Variants in NOL4 observed in about 807,000 individuals in gnomAD.
NOL4 encodes the protein nucleolar protein 4, also known as cancer/testis antigen 125.
Under a neutral mutation model 75.9 loss-of-function variants are expected in NOL4, and 17 were observed. The observed-to-expected ratio is 0.22, with a 90% CI of 0.15 to 0.34. The LOEUF (loss-of-function observed/expected upper bound fraction) is 0.34, where lower values mean the gene tolerates loss of function less well. Among genes scored for constraint, NOL4 ranks in the 10% least tolerant of loss-of-function variants. The pLI, the probability that NOL4 is intolerant of heterozygous loss-of-function variation, is 1.00. For synonymous variants in NOL4, 292 were observed against 289.9 expected, an observed-to-expected ratio of 1.01 and a Z score of -0.07; for missense variants, 614 against 793.5, an observed-to-expected ratio of 0.77 and a Z score of 2.72.
rs932613410 is a variant in NOL4, at chr18:33,966,778, C to A, written c.1057-8360G>T. 9.9e-5 allele frequency among the ~76,000 whole-genome samples: 15 copies of A among 152,080 alleles called. No individual in the cohort carries two copies. In the South Asian group the frequency reaches 1.5e-3, roughly 15 times the overall value. ...TGAAATACTCTAGAATATATACAACCAATGAGGTAAAAGACCTCTACAAAG... is the reference window on the plus strand; with the variant it reads ...TGAAATACTCTAGAATATATACAACAAATGAGGTAAAAGACCTCTACAAAG... On this transcript the variant is annotated intron_variant, in intron 6 of 10. Transcript: ENST00000261592.
chr18:34,217,896 T>C (rs916202810), intron 1 of NOL4, among the ~76,000 whole-genome samples: 3 of 152,088 alleles, frequency 2.0e-5, no homozygotes, highest in African/African-American at 7.2e-5. Context: ...GCATCTTTAG[T>C]TAAACTTTAG....
At chr18:33,970,751 G>A (rs1568147448) in intron 6 of NOL4, among the ~76,000 whole-genome samples, 2 of 151,272 alleles carry the variant, frequency 1.3e-5, no homozygotes, top group African/African-American at 4.9e-5. Flanking sequence ...GTGTGTGTGT[G>A]TATGTGTATG....
intron 1 of NOL4, among the ~76,000 whole-genome samples, chr18:34,211,240 GAACA>G (rs1046039436): frequency 1.1e-4 from 16 of 152,266 alleles, no homozygotes; most frequent in Middle Eastern, 3.4e-3. Flanking sequence ...AAATTAGTAA[GAACA>G]AACAAATAAA....
intron 4 of NOL4, among the ~76,000 whole-genome samples, chr18:34,095,976 G>A (rs1022120781): frequency 6.6e-6 from 1 of 151,762 alleles, no homozygotes; most frequent in African/African-American, 2.4e-5. Flanking sequence ...ATATGTATGT[G>A]TGTGTGTATT....
intron 6 of NOL4, among the ~76,000 whole-genome samples, chr18:33,995,041 G>A (rs2073174840): frequency 6.6e-6 from 1 of 151,562 alleles, no homozygotes; most frequent in Non-Finnish European, 1.5e-5. Context: ...AAAACTCCTA[G>A]AAATACACAA....
chr18:34,011,916 A>G (rs1367267469), intron 6 of NOL4, among the ~76,000 whole-genome samples: 3 of 151,908 alleles, frequency 2.0e-5, no homozygotes, highest in Non-Finnish European at 2.9e-5. Context: ...GGAACTCAAA[A>G]TGCACATTTC....
intron 1 of NOL4, among the ~76,000 whole-genome samples, chr18:34,211,281 C>T (rs1028592636): frequency 6.6e-6 from 1 of 152,110 alleles, no homozygotes; most frequent in African/African-American, 2.4e-5. Flanking sequence ...GTAGCTTTTA[C>T]AGAGGAAAAA....
intron 9 of NOL4, among the ~76,000 whole-genome samples, chr18:33,915,043 G>C (rs913008028): frequency 1.3e-5 from 2 of 152,042 alleles, no homozygotes; most frequent in Non-Finnish European, 2.9e-5. Context: ...ACCAGCATAG[G>C]CAAGTGAGAT....
chr18:33,852,992 T>A lies in NOL4; in HGVS notation c.1767A>T (p.Ser589=), dbSNP rs1283937616. The A allele has an allele frequency of 6.2e-7, 1 of 1,612,926 alleles. No individual in the cohort carries two copies. Among genetic ancestry groups the A allele is most frequent in the Admixed American group, 1.7e-5 (1 of 59,874 alleles). ...TGGAGTTTGAGCTGCTGGAGGATCCTGAGCTAGTCGCCAATTGTCTCTTCA... is the reference window on the plus strand; with the variant it reads ...TGGAGTTTGAGCTGCTGGAGGATCCAGAGCTAGTCGCCAATTGTCTCTTCA... ...LSMKRQLATS[S]GSSSSSNSRP... is the part of the protein sequence containing the mutation. Residue 589 remains serine (S), a synonymous_variant, in exon 11 of 11, where the codon TCA becomes TCT. Transcript: ENST00000261592.
intron 1 of NOL4, among the ~76,000 whole-genome samples, chr18:34,197,128 T>C (rs1394275906): frequency 6.6e-6 from 1 of 152,018 alleles, no homozygotes; most frequent in East Asian, 1.9e-4. Flanking sequence ...GAAATTGCAA[T>C]ATATAACATG....
intron 1 of NOL4, among the ~76,000 whole-genome samples, chr18:34,169,936 T>C (rs1453438848): frequency 6.6e-6 from 1 of 152,164 alleles, no homozygotes; most frequent in Non-Finnish European, 1.5e-5. Context: ...TTTTAATCAA[T>C]TCTCTCTCTT....
intron 5 of NOL4, among the ~76,000 whole-genome samples, chr18:34,026,077 T>C (rs1316148413): frequency 6.6e-6 from 1 of 152,178 alleles, no homozygotes; most frequent in Non-Finnish European, 1.5e-5. Flanking sequence ...ATAATTATTC[T>C]GTAAGGATCC....
chr18:33,947,575 TTCTC>T (rs1363783885), intron 8 of NOL4, among the ~76,000 whole-genome samples: 1 of 151,838 alleles, frequency 6.6e-6, no homozygotes, highest in African/African-American at 2.4e-5. Flanking sequence ...ATCTCTCTCT[TTCTC>T]TATCTATATC....
At chr18:33,976,654 C>T (rs1454027897) in intron 6 of NOL4, among the ~76,000 whole-genome samples, 1 of 152,050 alleles carries the variant, frequency 6.6e-6, no homozygotes, top group Non-Finnish European at 1.5e-5. Context: ...GTTATGCATA[C>T]TGTTAATGAA....
intron 6 of NOL4, among the ~76,000 whole-genome samples, chr18:33,989,878 G>A (rs569811721): frequency 7.6e-4 from 115 of 152,142 alleles, no homozygotes; most frequent in Non-Finnish European, 1.1e-3. Flanking sequence ...ATTAAACAAC[G>A]TATAACTCCT....
At chr18:33,887,581 C>G (rs2064828860) in intron 9 of NOL4, among the ~76,000 whole-genome samples, 1 of 151,884 alleles carries the variant, frequency 6.6e-6, no homozygotes, top group Non-Finnish European at 1.5e-5. Context: ...GCCCCCACCC[C>G]CTGACAGGCG....
intron 1 of NOL4, among the ~76,000 whole-genome samples, chr18:34,182,084 A>G (rs1265422946): frequency 6.6e-6 from 1 of 151,620 alleles, no homozygotes; most frequent in South Asian, 2.1e-4. Flanking sequence ...AAAAAAATAT[A>G]TATCAGCACA....
At chr18:34,143,095 G>A (rs1432973620) in intron 1 of NOL4, among the ~76,000 whole-genome samples, 2 of 151,854 alleles carry the variant, frequency 1.3e-5, no homozygotes, top group Non-Finnish European at 2.9e-5. Flanking sequence ...GAAGGGAAGG[G>A]AAGCGAAGGG....
chr18:33,950,458 T>A (rs1402093104), intron 8 of NOL4, among the ~76,000 whole-genome samples: 1 of 152,128 alleles, frequency 6.6e-6, no homozygotes. Context: ...TTAGTAAATA[T>A]CCATCCAGTC....
Sources: gnomAD v4.1 joint callset for allele counts (sites outside exome capture counted in the v4.1 genomes callset) on GRCh38, gnomAD v4.1.1 for gene constraint, MANE v1.5 for transcripts, NCBI Gene and HGNC (gene_info 2026-07-23, HGNC 2026-07-21) for gene names.